Variants in FGF18 observed in about 807,000 individuals in gnomAD.
The protein encoded by FGF18 is fibroblast growth factor 18.
In FGF18, 5 loss-of-function variants were observed where a neutral mutation model predicts 23.0. The ratio of observed to expected loss-of-function variants is 0.22; its 90% CI spans 0.11 to 0.46. FGF18 has a LOEUF of 0.46. Ranked by LOEUF, FGF18 falls within the 20% of genes least tolerant of loss-of-function variation. The pLI, the probability that FGF18 is intolerant of heterozygous loss-of-function variation, is 0.99. For synonymous variants in FGF18, 117 were observed against 118.9 expected, an observed-to-expected ratio of 0.98 and a Z score of 0.10; for missense variants, 180 against 291.6, an observed-to-expected ratio of 0.62 and a Z score of 2.79.
chr5:171,449,882 G>C (rs920153601), intron 4 of FGF18, among the ~76,000 whole-genome samples: 1 of 152,124 alleles, frequency 6.6e-6, no homozygotes, highest in Admixed American at 6.5e-5. Context: ...CGTGTGTGGG[G>C]ATCTGAGTCT....
chr5:171,439,998 GA>G (rs1056501279), intron 3 of FGF18, among the ~76,000 whole-genome samples: 2 of 152,210 alleles, frequency 1.3e-5, no homozygotes, highest in Admixed American at 1.3e-4. Context: ...GCTAGCCAGG[GA>G]GATGGTATTT....
intron 2 of FGF18, among the ~76,000 whole-genome samples, chr5:171,426,327 C>T (rs1319666359): frequency 2.0e-5 from 3 of 152,162 alleles, no homozygotes; most frequent in Non-Finnish European, 2.9e-5. Flanking sequence ...GTTGATTTCT[C>T]CTTTCTGTGG....
At chr5:171,430,374 A>AG (rs1772161992) in intron 2 of FGF18, among the ~76,000 whole-genome samples, 1 of 151,904 alleles carries the variant, frequency 6.6e-6, no homozygotes, top group Admixed American at 6.6e-5. Flanking sequence ...AAAAAAAAAA[A>AG]AATTGTACCA....
At chr5:171,440,000 G>A (rs559777646) in intron 3 of FGF18, among the ~76,000 whole-genome samples, 1 of 152,222 alleles carries the variant, frequency 6.6e-6, no homozygotes, top group Non-Finnish European at 1.5e-5. Context: ...TAGCCAGGGA[G>A]ATGGTATTTG....
At chr5:171,455,033 A>G (rs1319781198) in intron 4 of FGF18, among the ~76,000 whole-genome samples, 1 of 152,222 alleles carries the variant, frequency 6.6e-6, no homozygotes, top group African/African-American at 2.4e-5. Flanking sequence ...ATTTATAAGC[A>G]TCACTCCTAC....
chr5:171,450,846 T>C (rs535280105), intron 4 of FGF18, among the ~76,000 whole-genome samples: 98 of 151,936 alleles, frequency 6.5e-4, no homozygotes, highest in African/African-American at 2.0e-3. Context: ...CGCTTTGTTC[T>C]CCTGCCCGCC....
At chr5:171,420,549 G>T (rs1581267664) in intron 2 of FGF18, 106 bp downstream of exon 2, 2 of 1,141,128 alleles carry the variant, frequency 1.8e-6, no homozygotes, top group African/African-American at 1.5e-5. Flanking sequence ...CCTCCTGGGC[G>T]CTGAGCCCAG....
At chr5:171,420,920 GAC>G (rs1205464694) in intron 2 of FGF18, among the ~76,000 whole-genome samples, 3 of 152,298 alleles carry the variant, frequency 2.0e-5, no homozygotes, top group East Asian at 3.9e-4. Context: ...GCAGCACTGA[GAC>G]ACACACACAG....
rs147685475 is a variant in FGF18, at chr5:171,452,297, C to T, written c.357+3044C>T. Among the ~76,000 whole-genome samples the T allele has an allele frequency of 5.3e-3, 809 of 152,338 alleles. 18 individuals carry two copies. Among genetic ancestry groups the T allele is most frequent in the Admixed American group, 0.038 (586 of 15,308 alleles). ...GAGGTCACTTCTTCACCTGTGGGAA[C>T]GCCTGGTCTCAGCTCCAGTGCCAAC... On this transcript the variant is annotated intron_variant, in intron 4 of 4. Coordinates refer to ENST00000274625, the MANE Select transcript of FGF18 (RefSeq NM_003862.3).
At chr5:171,432,735 G>C (rs1333816480) in intron 2 of FGF18, among the ~76,000 whole-genome samples, 3 of 152,238 alleles carry the variant, frequency 2.0e-5, no homozygotes, top group African/African-American at 7.2e-5. Flanking sequence ...TCTTAGCAGA[G>C]TGTCTGGAAC....
intron 3 of FGF18, among the ~76,000 whole-genome samples, chr5:171,448,313 TGGCCTCCATGGAC>T (rs561513662): frequency 4.6e-4 from 70 of 152,278 alleles, no homozygotes; most frequent in Admixed American, 3.5e-3. Flanking sequence ...TCAGCTTTGG[TGGCCTCCATGGAC>T]GGCAGTGGAA....
rs766926286 is a variant in FGF18 at position 171,443,500 on chromosome 5, C to CTTTTTTTTTTTTTTTTTTTTTTTT, written c.251-5647_251-5646insTTTTTTTTTTTTTTTTTTTTTTTT. On this transcript the variant is annotated intron_variant, in intron 3 of 4. Coordinates refer to ENST00000274625, the MANE Select transcript of FGF18 (RefSeq NM_003862.3). ...TCAGATAAGTATTCACTGTTATCAT[C>CTTTTTTTTTTTTTTTTTTTTTTTT]ATTTTTTTTTTTTTTTTTTTTTTTT... Among the ~76,000 whole-genome samples, 12 of 70,462 alleles carry CTTTTTTTTTTTTTTTTTTTTTTTT rather than the reference C, an allele frequency of 1.7e-4. 2 individuals carry two copies. Among genetic ancestry groups the CTTTTTTTTTTTTTTTTTTTTTTTT allele is most frequent in the African/African-American group, 3.0e-4 (7 of 23,722 alleles). 46.2% of individuals were successfully genotyped at this position (70,462 alleles called of 152,430 possible). A position where few individuals can be genotyped will look rare whatever the true frequency, so the allele number is the denominator to read the frequency against.
At chr5:171,425,596 T>A (rs1488052734) in intron 2 of FGF18, among the ~76,000 whole-genome samples, 1 of 145,084 alleles carries the variant, frequency 6.9e-6, no homozygotes, top group Non-Finnish European at 1.5e-5. Flanking sequence ...AGTGGCGTGA[T>A]CTCGGTTCAC....
At position 171,456,214 on chromosome 5, in the gene FGF18, G is replaced by T. The variant is rs1274654917; in HGVS notation, c.358-325G>T. 6.6e-6 allele frequency among the ~76,000 whole-genome samples: 1 copy of T among 152,144 alleles called. No homozygotes were observed. The highest frequency in any genetic ancestry group is 6.5e-5 in the Admixed American group (1 of 15,274). On this transcript the variant is annotated intron_variant, in intron 4 of 4. Transcript: ENST00000274625. The surrounding 1 kb of genome is among the most constrained non-coding windows in gnomAD (Gnocchi z 6.1). ...CCCCCACTCTTGATATATGATCAGG[G>T]TCCTCATCCTCCTCCATCCCTCAGG...
At chr5:171,450,719 C>T (rs938606111) in intron 4 of FGF18, among the ~76,000 whole-genome samples, 1 of 151,934 alleles carries the variant, frequency 6.6e-6, no homozygotes, top group African/African-American at 2.4e-5. Flanking sequence ...CGAGGGGGGT[C>T]GGGGCCGGGG....
intron 2 of FGF18, among the ~76,000 whole-genome samples, chr5:171,422,517 C>T (rs78501446): frequency 0.031 from 4,723 of 152,286 alleles, 155 homozygotes; most frequent in Admixed American, 0.098. Context: ...AGAGGGTTGC[C>T]TGCTCCCCAC....
chr5:171,430,681 G>A (rs1020039018), intron 2 of FGF18, among the ~76,000 whole-genome samples: 7 of 148,020 alleles, frequency 4.7e-5, no homozygotes, highest in South Asian at 2.1e-4. Flanking sequence ...CCAGCTACTC[G>A]GGAGGCTGAG....
intron 3 of FGF18, among the ~76,000 whole-genome samples, chr5:171,445,976 C>G (rs1192510415): frequency 3.3e-5 from 5 of 152,124 alleles, no homozygotes; most frequent in Admixed American, 3.3e-4. Context: ...GGTGGTGTCT[C>G]TCTCTTCTCC....
At chr5:171,420,714 G>A (rs1238684623) in intron 2 of FGF18, among the ~76,000 whole-genome samples, 1 of 152,208 alleles carries the variant, frequency 6.6e-6, no homozygotes, top group Non-Finnish European at 1.5e-5. Flanking sequence ...CCGCAGAGCC[G>A]GCGGGCTCAG....
Sources: allele counts gnomAD v4.1 joint callset (sites outside exome capture counted in the v4.1 genomes callset), GRCh38; gene constraint gnomAD v4.1.1; non-coding constraint Gnocchi (gnomAD v3.1); transcripts MANE v1.5; gene names NCBI Gene and HGNC (gene_info 2026-07-23, HGNC 2026-07-21).